CCDC178: variants seen among roughly 807,000 people sequenced by gnomAD.
The protein encoded by CCDC178 is coiled-coil domain-containing protein 178.
Under a neutral mutation model 117.4 loss-of-function variants are expected in CCDC178, and 126 were observed. The observed-to-expected ratio is 1.07, with a 90% CI of 0.93 to 1.24. The LOEUF is 1.24. Ranked by LOEUF, CCDC178 falls within the 50% of genes most tolerant of loss-of-function variation. The pLI is 0.00. For missense variants in CCDC178, 1,030 were observed against 986.9 expected, an observed-to-expected ratio of 1.04 and a Z score of -0.59; for synonymous variants, 283 against 313.4, an observed-to-expected ratio of 0.90 and a Z score of 1.02.
intron 2 of CCDC178, among the ~76,000 whole-genome samples, chr18:33,424,312 C>T (rs530247736): frequency 1.2e-3 from 177 of 152,144 alleles, no homozygotes; most frequent in African/African-American, 4.2e-3. Context: ...TGAAAAATAA[C>T]GACTTGCTTT....
chr18:32,978,712 A>C (rs2055078434), intron 21 of CCDC178, among the ~76,000 whole-genome samples: 1 of 152,192 alleles, frequency 6.6e-6, no homozygotes, highest in African/African-American at 2.4e-5. Context: ...CGAAACAATA[A>C]AAAAGCAGAA....
chr18:33,064,639 T>C (rs1167077528), intron 21 of CCDC178, among the ~76,000 whole-genome samples: 1 of 152,198 alleles, frequency 6.6e-6, no homozygotes, highest in East Asian at 1.9e-4. Context: ...GGACAGCTGC[T>C]GTGAAAAACT....
intron 12 of CCDC178, among the ~76,000 whole-genome samples, chr18:33,278,199 T>C (rs963230417): frequency 3.3e-5 from 5 of 150,192 alleles, no homozygotes; most frequent in Admixed American, 6.7e-5. Flanking sequence ...AAGAAAGAAA[T>C]CATGACTTTC....
intron 21 of CCDC178, among the ~76,000 whole-genome samples, chr18:33,081,134 T>C (rs2057290612): frequency 6.6e-6 from 1 of 152,182 alleles, no homozygotes; most frequent in African/African-American, 2.4e-5. Context: ...TGAAGTACTC[T>C]ATAGGTTTCT....
chr18:33,071,915 T>C (rs1246694737), intron 21 of CCDC178, among the ~76,000 whole-genome samples: 1 of 152,084 alleles, frequency 6.6e-6, no homozygotes, highest in Non-Finnish European at 1.5e-5. Context: ...GAGATAAAAA[T>C]TGAAAGGTTG....
At chr18:33,015,757 A>G (rs1031068406) in intron 21 of CCDC178, among the ~76,000 whole-genome samples, 1 of 152,202 alleles carries the variant, frequency 6.6e-6, no homozygotes, top group Non-Finnish European at 1.5e-5. Flanking sequence ...TGAAGGAATT[A>G]TATGTATGGT....
At chr18:33,104,556 C>G (rs1310806154) in intron 20 of CCDC178, among the ~76,000 whole-genome samples, 1 of 151,728 alleles carries the variant, frequency 6.6e-6, no homozygotes, top group Admixed American at 6.6e-5. Flanking sequence ...AAAACACCAT[C>G]TTTTCGTCCC....
rs568420806 is a variant in CCDC178, at chr18:33,042,540, C to T, written c.2388+50221G>A. On this transcript the variant is annotated intron_variant, in intron 21 of 22. Transcript: ENST00000383096. ...GAGACCAAAAATGCAATATATGTAT[C>T]TTTATTATATGCTAGTTTAAAAAGA... Among the ~76,000 whole-genome samples the T allele has an allele frequency of 9.9e-5, 15 of 151,840 alleles. No individual in the cohort carries two copies. The East Asian group carries it at 2.7e-3, about 27-fold the overall frequency.
intron 4 of CCDC178, among the ~76,000 whole-genome samples, chr18:33,395,236 ATTT>A (rs2144841721): frequency 6.6e-6 from 1 of 151,728 alleles, no homozygotes; most frequent in East Asian, 1.9e-4. Context: ...AAATTACTCT[ATTT>A]TTAAAATATT....
intron 21 of CCDC178, among the ~76,000 whole-genome samples, chr18:33,006,620 G>A (rs1171799494): frequency 6.6e-6 from 1 of 151,982 alleles, no homozygotes; most frequent in African/African-American, 2.4e-5. Flanking sequence ...TTTTGAGTAT[G>A]GGCAGAATCT....
chr18:32,940,428 T>G (rs2054211227), intron 22 of CCDC178, among the ~76,000 whole-genome samples: 1 of 152,016 alleles, frequency 6.6e-6, no homozygotes, highest in South Asian at 2.1e-4. Flanking sequence ...GACAAAATAT[T>G]TTACTTTTTG....
chr18:32,992,250 T>C (rs938048165), intron 21 of CCDC178, among the ~76,000 whole-genome samples: 2 of 152,204 alleles, frequency 1.3e-5, no homozygotes, highest in African/African-American at 4.8e-5. Context: ...TTACATGATA[T>C]GTGGGATTAT....
intron 22 of CCDC178, among the ~76,000 whole-genome samples, chr18:32,964,077 T>C (rs1280066874): frequency 6.6e-6 from 1 of 151,958 alleles, no homozygotes; most frequent in Non-Finnish European, 1.5e-5. Context: ...AATAATAACA[T>C]AATCATTCCT....
intron 12 of CCDC178, among the ~76,000 whole-genome samples, chr18:33,272,223 A>T (rs1215341121): frequency 6.6e-6 from 1 of 151,492 alleles, no homozygotes; most frequent in African/African-American, 2.4e-5. Flanking sequence ...TTCAAGAGAG[A>T]GTATTGCTAT....
intron 21 of CCDC178, among the ~76,000 whole-genome samples, chr18:32,988,975 T>C (rs2055330061): frequency 6.6e-6 from 1 of 152,108 alleles, no homozygotes; most frequent in South Asian, 2.1e-4. Flanking sequence ...TAGTTTAAAA[T>C]TGCCCTCATA....
At chr18:33,030,258 G>A (rs926116724) in intron 21 of CCDC178, among the ~76,000 whole-genome samples, 1 of 151,770 alleles carries the variant, frequency 6.6e-6, no homozygotes, top group Non-Finnish European at 1.5e-5. Context: ...AAATTTAGTC[G>A]GATATTAGTA....
At chr18:33,002,008 T>A (rs2055646043) in intron 21 of CCDC178, among the ~76,000 whole-genome samples, 1 of 152,156 alleles carries the variant, frequency 6.6e-6, no homozygotes, top group Non-Finnish European at 1.5e-5. Context: ...CACCAAGCAC[T>A]GGATCATCCA....
intron 20 of CCDC178, among the ~76,000 whole-genome samples, chr18:33,202,808 T>C (rs28368446): frequency 0.067 from 10,173 of 152,274 alleles, 578 homozygotes; most frequent in African/African-American, 0.15. Context: ...TGTAAACTTT[T>C]CACTGAGTCC....
intron 21 of CCDC178, among the ~76,000 whole-genome samples, chr18:33,075,985 G>T (rs1003840982): frequency 6.6e-6 from 1 of 152,096 alleles, no homozygotes; most frequent in African/African-American, 2.4e-5. Flanking sequence ...AAATTATGTA[G>T]ATATTTTTCT....
Sources: allele counts gnomAD v4.1 joint callset (sites outside exome capture counted in the v4.1 genomes callset), GRCh38; gene constraint gnomAD v4.1.1; transcripts MANE v1.5; gene names NCBI Gene and HGNC (gene_info 2026-07-23, HGNC 2026-07-21).